Variants in QDPR observed in about 807,000 individuals in gnomAD.
QDPR encodes quinoid dihydropteridine reductase, also known as dihydropteridine reductase.
A neutral mutation model predicts 31.7 loss-of-function variants in QDPR; 23 were observed. The ratio of observed to expected loss-of-function variants is 0.73; its 90% CI spans 0.52 to 1.03. The LOEUF is 1.03. Among genes scored for constraint, QDPR ranks in the 50% least tolerant of loss-of-function variants. The pLI is 0.00. For missense variants in QDPR, 324 were observed against 323.8 expected (o/e 1.00, Z 0.00); for synonymous variants, 124 against 124.7 (o/e 0.99, Z 0.03).
At chr4:17,492,137 AC>A (rs1718186078) in intron 5 of QDPR, 94 bp downstream of exon 5, 1 of 957,820 alleles carries the variant, frequency 1.0e-6, no homozygotes, top group Non-Finnish European at 1.6e-6. Context: ...GTGAGAGCAC[AC>A]CCAGGTCGCC....
chr4:17,512,028 C>G lies in QDPR; in HGVS notation c.27G>C (p.Glu9Asp). Residue 9 changes from glutamate (E) to aspartate (D), a missense_variant, in exon 1 of 7, where the codon GAG becomes GAC. Physicochemically the swap from Glu to Asp is conservative, Grantham distance 45. Coordinates refer to ENST00000281243, the MANE Select transcript of QDPR (RefSeq NM_000320.3). The stretch of plus-strand genomic sequence containing the variant: ...CGCCGTACACCAGCACCCGGCGCGC[C>G]TCGCCTGCAGCCGCCGCCGCCGCCA... MAAAAAAG[E>D]ARRVLVYGGR... 2 of 1,605,540 alleles carry G rather than the reference C, an allele frequency of 1.2e-6. No homozygotes were observed. Among genetic ancestry groups the G allele is most frequent in the South Asian group, 1.1e-5 (1 of 90,534 alleles).
At chr4:17,494,286 A>G (rs1718273144) in intron 4 of QDPR, among the ~76,000 whole-genome samples, 1 of 152,216 alleles carries the variant, frequency 6.6e-6, no homozygotes, top group Non-Finnish European at 1.5e-5. Context: ...CCTGCCCTTC[A>G]GCCTGGTTTT....
In QDPR at chr4:17,511,943, G is replaced by T; in HGVS notation, c.105+7C>A. 1 of 1,609,330 alleles carries T rather than the reference G, an allele frequency of 6.2e-7. No individual in the cohort carries two copies. The highest frequency in any genetic ancestry group is 8.5e-7 in the Non-Finnish European group (1 of 1,178,354). ...GGAGACCCAGCAGCCCCAGCCCGCA[G>T]CATTACCCAGTTGCGGGCCCGAAAA... On this transcript the variant is annotated splice_region_variant and intron_variant, in intron 1 of 6. Coordinates refer to ENST00000281243, the MANE Select transcript of QDPR (RefSeq NM_000320.3).
chr4:17,502,083 C>G (rs534719384), intron 3 of QDPR, among the ~76,000 whole-genome samples: 22 of 152,292 alleles, frequency 1.4e-4, no homozygotes, highest in African/African-American at 4.8e-4. Context: ...TATACACTGG[C>G]AAAATGTTGG....
chr4:17,492,666 T>G (rs976151035), intron 4 of QDPR, among the ~76,000 whole-genome samples: 1 of 152,150 alleles, frequency 6.6e-6, no homozygotes, highest in African/African-American at 2.4e-5. Flanking sequence ...AAATGAACAT[T>G]TATGGAGAGA....
At chr4:17,504,609 AT>A in intron 2 of QDPR, 134 bp from the exon 3 acceptor site, 1 of 757,090 alleles carries the variant, frequency 1.3e-6, no homozygotes, top group South Asian at 1.5e-5. Context: ...TGCTTTGAGA[AT>A]TAGACGGAAG....
At chr4:17,488,278 T>A (rs1325219127) in intron 6 of QDPR, among the ~76,000 whole-genome samples, 1 of 152,006 alleles carries the variant, frequency 6.6e-6, no homozygotes, top group Admixed American at 6.6e-5. Flanking sequence ...AAAAAAATTG[T>A]TTTTAAAGAT....
intron 2 of QDPR, among the ~76,000 whole-genome samples, chr4:17,505,594 G>T (rs1718760024): frequency 6.6e-6 from 1 of 152,208 alleles, no homozygotes; most frequent in African/African-American, 2.4e-5. Context: ...GCTCATGCCA[G>T]TAGTCCCAGC....
At chr4:17,492,391 A>G in intron 4 of QDPR, 51 bp from the exon 5 acceptor site, 1 of 1,393,644 alleles carries the variant, frequency 7.2e-7, no homozygotes, top group South Asian at 1.2e-5. Context: ...CCAGGGGGAC[A>G]GCAAGGACAT....
chr4:17,510,112 T>G, intron 1 of QDPR: 2 of 401,064 alleles, frequency 5.0e-6, no homozygotes, highest in East Asian at 1.5e-4. Flanking sequence ...TTTGATTTTC[T>G]TTTCAACCAC....
At chr4:17,496,184 G>A (rs534884021) in intron 4 of QDPR, among the ~76,000 whole-genome samples, 199 of 152,038 alleles carry the variant, frequency 1.3e-3, no homozygotes, top group African/African-American at 4.6e-3. Flanking sequence ...GGTGGCTCAC[G>A]CCTGTAATCC....
rs3775922 is a variant in QDPR, at chr4:17,511,343, C to T, written c.105+607G>A. The stretch of plus-strand genomic sequence containing the variant: ...CTTTGCAGAGCAAAGAAGCCGTCAG[C>T]GTTTTTCCGTGCTGAGCCTTCAAAC... On this transcript the variant is annotated intron_variant, in intron 1 of 6. Coordinates refer to ENST00000281243, the MANE Select transcript of QDPR (RefSeq NM_000320.3). Among the ~76,000 whole-genome samples, 17 of 152,292 alleles carry T rather than the reference C, an allele frequency of 1.1e-4. No homozygotes were observed. In the East Asian group the frequency reaches 3.3e-3, roughly 29 times the overall value.
chr4:17,503,000 G>T (rs975025378), intron 3 of QDPR, among the ~76,000 whole-genome samples: 1 of 152,232 alleles, frequency 6.6e-6, no homozygotes, highest in African/African-American at 2.4e-5. Flanking sequence ...CTTCCCAGGT[G>T]ATGTCATATA....
At chr4:17,499,158 A>G (rs895155760) in intron 4 of QDPR, among the ~76,000 whole-genome samples, 3 of 152,224 alleles carry the variant, frequency 2.0e-5, no homozygotes, top group African/African-American at 4.8e-5. Flanking sequence ...TAAAGGAGAC[A>G]CTATTTTATC....
At chr4:17,487,336 G>T in intron 6 of QDPR, 100 bp from the exon 7 acceptor site, 1 of 857,880 alleles carries the variant, frequency 1.2e-6, no homozygotes. Flanking sequence ...GGGAAGGGGT[G>T]GCACAGCAGC....
chr4:17,490,985 A>G (rs1718144665), intron 5 of QDPR, among the ~76,000 whole-genome samples: 1 of 152,208 alleles, frequency 6.6e-6, no homozygotes, highest in African/African-American at 2.4e-5. Flanking sequence ...GTGGCTCACC[A>G]CTTAGGCAGA....
At position 17,501,787 on chromosome 4, in the gene QDPR, G is replaced by A. The variant is rs1718571620; in HGVS notation, c.368C>T (p.Thr123Ile). 1 of 1,614,166 alleles carries A rather than the reference G, an allele frequency of 6.2e-7. No individual in the cohort carries two copies. The highest frequency in any genetic ancestry group is 8.5e-7 in the Non-Finnish European group (1 of 1,180,012). The part of the protein sequence containing the change: ...WTSTISSHLA[T>I]KHLKEGGLLT... ...GAGGCCTCCTTCCTTGAGATGCTTG[G>A]TAGCCAGATGGCTGGAGATGGTCGA... Residue 123 changes from threonine to isoleucine, a missense_variant, in exon 4 of 7, where the codon ACC becomes ATC. Coordinates refer to ENST00000281243, the MANE Select transcript of QDPR (RefSeq NM_000320.3).
intron 2 of QDPR, among the ~76,000 whole-genome samples, chr4:17,506,693 G>C (rs1718799561): frequency 6.6e-6 from 1 of 152,164 alleles, no homozygotes; most frequent in African/African-American, 2.4e-5. Flanking sequence ...CACTGAGAAT[G>C]GTGCCTGGCA....
At chr4:17,498,843 T>C (rs972722714) in intron 4 of QDPR, among the ~76,000 whole-genome samples, 5 of 152,164 alleles carry the variant, frequency 3.3e-5, no homozygotes, top group Non-Finnish European at 5.9e-5. Flanking sequence ...TCTTCTTGAG[T>C]TTGAGGGACT....
Sources: gnomAD v4.1 joint callset for allele counts (sites outside exome capture counted in the v4.1 genomes callset) on GRCh38, gnomAD v4.1.1 for gene constraint, MANE v1.5 for transcripts, NCBI Gene and HGNC (gene_info 2026-07-23, HGNC 2026-07-21) for gene names.